Variants in CCDC60 observed in about 807,000 individuals in gnomAD.
CCDC60 encodes coiled-coil domain containing 60.
A neutral mutation model predicts 63.5 loss-of-function variants in CCDC60; 54 were observed. That is an observed-to-expected ratio of 0.85 (90% CI 0.68 to 1.07). The LOEUF is 1.07. Ranked by LOEUF, CCDC60 falls within the 50% of genes least tolerant of loss-of-function variation. The pLI, the probability that CCDC60 is intolerant of heterozygous loss-of-function variation, is 0.00. For missense variants in CCDC60, 651 were observed against 684.3 expected (o/e 0.95, Z 0.54); for synonymous variants, 206 against 238.8 (o/e 0.86, Z 1.27).
chr12:119,483,187 G>A (rs1951363880), intron 4 of CCDC60, among the ~76,000 whole-genome samples: 1 of 152,186 alleles, frequency 6.6e-6, no homozygotes, highest in Non-Finnish European at 1.5e-5. Flanking sequence ...AAGCAGCAAA[G>A]TCACATCCCA....
chr12:119,475,940 A>T (rs189245519), intron 3 of CCDC60, among the ~76,000 whole-genome samples: 2 of 152,238 alleles, frequency 1.3e-5, no homozygotes, highest in Admixed American at 1.3e-4. Context: ...GCTGAAAAGC[A>T]TCTCACATCT....
intron 12 of CCDC60, among the ~76,000 whole-genome samples, chr12:119,529,137 G>C (rs938018314): frequency 6.6e-6 from 1 of 152,128 alleles, no homozygotes; most frequent in African/African-American, 2.4e-5. Flanking sequence ...TCCCTAAAAA[G>C]TGCAAAACCA....
intron 5 of CCDC60, among the ~76,000 whole-genome samples, chr12:119,494,929 C>T (rs708878): frequency 0.59 from 89,991 of 152,056 alleles, 27,187 homozygotes; most frequent in East Asian, 0.86. Flanking sequence ...TGCGGTGAGC[C>T]GAGATCATGC....
At chr12:119,464,589 G>T (rs1950918358) in intron 2 of CCDC60, among the ~76,000 whole-genome samples, 1 of 152,044 alleles carries the variant, frequency 6.6e-6, no homozygotes, top group Non-Finnish European at 1.5e-5. Context: ...TGACTTCTTG[G>T]CCATGACAAG....
intron 4 of CCDC60, among the ~76,000 whole-genome samples, chr12:119,481,113 A>T (rs1195075042): frequency 2.0e-5 from 3 of 151,814 alleles, no homozygotes; most frequent in Non-Finnish European, 4.4e-5. Context: ...TGTGTTGGAC[A>T]CATCCTTATC....
intron 2 of CCDC60, among the ~76,000 whole-genome samples, chr12:119,439,280 T>TAC (rs1361062696): frequency 3.3e-5 from 5 of 150,710 alleles, no homozygotes; most frequent in East Asian, 2.0e-4. Context: ...CGTGCATGCA[T>TAC]ACACACACAC....
chr12:119,451,382 G>C (rs1041537487), intron 2 of CCDC60, among the ~76,000 whole-genome samples: 3 of 152,112 alleles, frequency 2.0e-5, no homozygotes, highest in Admixed American at 6.5e-5. Context: ...TAGGAATCCA[G>C]AGACCCCCAC....
At chr12:119,384,344 C>A (rs1956038991) in intron 1 of CCDC60, among the ~76,000 whole-genome samples, 1 of 152,230 alleles carries the variant, frequency 6.6e-6, no homozygotes, top group Non-Finnish European at 1.5e-5. Flanking sequence ...AGAAGAGGAG[C>A]ACAGCTCAGG....
intron 2 of CCDC60, chr12:119,433,442 C>T (rs1950269879): frequency 1.4e-6 from 1 of 702,142 alleles, no homozygotes; most frequent in Non-Finnish European, 2.6e-6. Flanking sequence ...AGAGAAGCCA[C>T]AAGCAAGCAA....
At chr12:119,368,585 C>T (rs566733640) in intron 1 of CCDC60, among the ~76,000 whole-genome samples, 2 of 152,126 alleles carry the variant, frequency 1.3e-5, no homozygotes, top group Non-Finnish European at 2.9e-5. Context: ...AATTTGCAAC[C>T]ATGGGGGAAA....
At chr12:119,412,534 C>T (rs1004807269) in intron 1 of CCDC60, among the ~76,000 whole-genome samples, 3 of 152,030 alleles carry the variant, frequency 2.0e-5, no homozygotes, top group Admixed American at 6.6e-5. Context: ...TTTTCATTTC[C>T]AAGAAAGGAA....
chr12:119,370,309 G>A (rs1168722663), intron 1 of CCDC60, among the ~76,000 whole-genome samples: 3 of 152,184 alleles, frequency 2.0e-5, no homozygotes, highest in African/African-American at 4.8e-5. Context: ...CAGACAGTGC[G>A]CCCCGTGGTG....
At chr12:119,387,048 A>T (rs1355540879) in intron 1 of CCDC60, among the ~76,000 whole-genome samples, 6 of 146,942 alleles carry the variant, frequency 4.1e-5, no homozygotes, top group South Asian at 2.2e-4. Context: ...ACACACACAC[A>T]CACACACACA....
At chr12:119,347,071 C>CTCAAAGTG (rs1955605185) in intron 1 of CCDC60, among the ~76,000 whole-genome samples, 1 of 152,064 alleles carries the variant, frequency 6.6e-6, no homozygotes, top group African/African-American at 2.4e-5. Context: ...GATCCACCCA[C>CTCAAAGTG]CTCAGCCTCT....
chr12:119,352,557 A>G (rs900612321), intron 1 of CCDC60, among the ~76,000 whole-genome samples: 2 of 152,158 alleles, frequency 1.3e-5, no homozygotes, highest in Non-Finnish European at 2.9e-5. Flanking sequence ...TCTGGCCCAA[A>G]AGTCTCAATA....
At chr12:119,536,208 G>C (rs988528090) in intron 13 of CCDC60, among the ~76,000 whole-genome samples, 1 of 152,118 alleles carries the variant, frequency 6.6e-6, no homozygotes, top group South Asian at 2.1e-4. Context: ...TTGATTTGAA[G>C]TCTGTTTTAT....
chr12:119,377,666 G>A (rs930595920), intron 1 of CCDC60, among the ~76,000 whole-genome samples: 4 of 152,012 alleles, frequency 2.6e-5, no homozygotes, highest in Non-Finnish European at 5.9e-5. Flanking sequence ...CCACTTCTAC[G>A]CACAACTAGC....
chr12:119,521,854 G>C (rs1349049805), intron 9 of CCDC60, among the ~76,000 whole-genome samples: 1 of 152,222 alleles, frequency 6.6e-6, no homozygotes, highest in Admixed American at 6.5e-5. Context: ...GATTAGGGCA[G>C]CTGGTTGGAA....
intron 1 of CCDC60, among the ~76,000 whole-genome samples, chr12:119,376,935 A>C (rs1955956845): frequency 6.6e-6 from 1 of 152,070 alleles, no homozygotes; most frequent in Non-Finnish European, 1.5e-5. Flanking sequence ...TCCACTAGAC[A>C]ATGTGGATGG....
Sources: gnomAD v4.1 joint callset for allele counts (sites outside exome capture counted in the v4.1 genomes callset) on GRCh38, gnomAD v4.1.1 for gene constraint, MANE v1.5 for transcripts, NCBI Gene and HGNC (gene_info 2026-07-23, HGNC 2026-07-21) for gene names.